Variants in RARG observed in about 807,000 individuals in gnomAD.
The protein encoded by RARG is RAR-gamma.
Under a neutral mutation model 43.7 loss-of-function variants are expected in RARG, and 17 were observed. That is an observed-to-expected ratio of 0.39 (90% CI 0.27 to 0.58). RARG has a LOEUF of 0.58. Ranked by LOEUF, RARG falls within the 20% of genes least tolerant of loss-of-function variation. The pLI, the probability that RARG is intolerant of heterozygous loss-of-function variation, is 0.57. For missense variants in RARG, 346 were observed against 598.7 expected (o/e 0.58, Z 4.40); for synonymous variants, 238 against 236.4 (o/e 1.01, Z -0.06).
intron 3 of RARG, among the ~76,000 whole-genome samples, chr12:53,224,781 C>G (rs1281141058): frequency 1.3e-5 from 2 of 152,034 alleles, no homozygotes; most frequent in African/African-American, 4.8e-5. Flanking sequence ...CCCTCCCCAG[C>G]TACCTGCCCT....
In RARG at chr12:53,211,720, C is replaced by A. The variant is rs1483582359; in HGVS notation, c.1321G>T (p.Val441Phe). The part of the protein sequence containing the change: ...PHPNASSEDE[V>F]PGGQGKGGLK... ...CCCCCTTTGCCCTGGCCCCCAGGAA[C>A]CTCATCCTCGCTAGAGGCATTGGGG... The change falls in exon 10 of 10, where the codon GTT (valine) becomes TTT (phenylalanine). Residue 441 changes from valine (V) to phenylalanine (F), a missense_variant. By Grantham distance (50) the Val-to-Phe change is conservative (BLOSUM62 -1). This residue lies in a region of RARG where 40 missense variants were observed against 44.6 expected (regional missense o/e 0.90). Transcript: ENST00000425354. This position sits in a 1 kb window ranked among gnomAD's most constrained non-coding sequence, Gnocchi z 4.6. The A allele has an allele frequency of 2.6e-6, 4 of 1,562,350 alleles. No individual in the cohort carries two copies. Among genetic ancestry groups the A allele is most frequent in the African/African-American group, 1.4e-5 (1 of 71,508 alleles).
chr12:53,219,982 G>T (rs1471288239), intron 3 of RARG: 1 of 1,521,334 alleles, frequency 6.6e-7, no homozygotes, highest in South Asian at 1.2e-5. Context: ...CCAGGCAAAA[G>T]ATTCAAGTCC....
intron 2 of RARG, among the ~76,000 whole-genome samples, chr12:53,230,779 G>A (rs1320588019): frequency 6.6e-6 from 1 of 151,452 alleles, no homozygotes; most frequent in Non-Finnish European, 1.5e-5. Context: ...GGGTGGGGGT[G>A]TGCCGGGGTG....
Position 53,213,815 on chromosome 12 carries a change from G to T in RARG, c.814-115C>A. On this transcript the variant is annotated intron_variant, in intron 7 of 9. Transcript: ENST00000425354. The surrounding 1 kb of genome is among the most constrained non-coding windows in gnomAD (Gnocchi z 4.7). ...AGTGAGTGCAACCTGAAGCAGGCAT[G>T]GAGAAGGCAGAGGTGGAGGATCTGA... 1 of 1,215,376 alleles carries T rather than the reference G, an allele frequency of 8.2e-7. No individual in the cohort carries two copies. 75.3% of individuals were successfully genotyped at this position (1,215,376 alleles called of 1,614,324 possible).
chr12:53,213,259 T>C lies in RARG; in HGVS notation c.1019-16A>G. The C allele has an allele frequency of 6.4e-7, 1 of 1,551,292 alleles. No individual in the cohort carries two copies. The highest frequency in any genetic ancestry group is 8.9e-7 in the Non-Finnish European group (1 of 1,125,948). On this transcript the variant is annotated splice_polypyrimidine_tract_variant and intron_variant, in intron 8 of 9. Transcript: ENST00000425354. The surrounding 1 kb of genome is among the most constrained non-coding windows in gnomAD (Gnocchi z 4.7). The stretch of plus-strand genomic sequence containing the variant: ...TCCATGCGGTCTATGGGGACAAGTA[T>C]ACTGGAGTGAGAGGGGAAGGAAGAG...
intron 3 of RARG, among the ~76,000 whole-genome samples, chr12:53,222,295 GAA>G (rs930068339): frequency 1.9e-4 from 27 of 138,872 alleles, no homozygotes; most frequent in African/African-American, 6.3e-4. Flanking sequence ...GGAGGAGAAA[GAA>G]AGAGAGAGAG....
At chr12:53,226,494 A>G (rs1943109443) in intron 3 of RARG, among the ~76,000 whole-genome samples, 1 of 151,902 alleles carries the variant, frequency 6.6e-6, no homozygotes, top group Non-Finnish European at 1.5e-5. Context: ...TACCCGGCTA[A>G]TTTTTGTAAT....
intron 3 of RARG, among the ~76,000 whole-genome samples, chr12:53,216,264 G>A (rs1942758142): frequency 6.6e-6 from 1 of 152,134 alleles, no homozygotes; most frequent in African/African-American, 2.4e-5. Context: ...AACTCTGGGG[G>A]CAGGTAGGCA....
rs201808801 is a variant in RARG, at chr12:53,211,836, A to G, written c.1205T>C (p.Met402Thr). 1.4e-4 allele frequency: 204 copies of G among 1,507,950 alleles called. No homozygotes were observed. Among genetic ancestry groups the G allele is most frequent in the Non-Finnish European group, 1.7e-4 (190 of 1,124,790 alleles). 93.4% of individuals were successfully genotyped at this position (1,507,950 alleles called of 1,614,324 possible). A position where few individuals can be genotyped will look rare whatever the true frequency, so the allele number is the denominator to read the frequency against. The change falls in exon 10 of 10, where the codon ATG becomes ACG. Residue 402 changes from methionine (M) to threonine (T), a missense_variant. Around this residue, in one of 8 missense-constraint regions of RARG, gnomAD observed 20 missense variants for 58.5 expected, o/e 0.34. Transcript: ENST00000425354. This position sits in a 1 kb window ranked among gnomAD's most constrained non-coding sequence, Gnocchi z 4.6. ...GGGAGGCATCGGGCCTGGAATCTCC[A>G]TCTTCAGAGTAATGGCCCTTTCAGC... The part of the protein sequence containing the change: ...KGAERAITLK[M>T]EIPGPMPPLI...
At chr12:53,229,012 G>C (rs1943172528) in intron 2 of RARG, among the ~76,000 whole-genome samples, 1 of 152,154 alleles carries the variant, frequency 6.6e-6, no homozygotes, top group African/African-American at 2.4e-5. Flanking sequence ...AGGAGGTAGA[G>C]AGAGGAGATG....
intron 3 of RARG, among the ~76,000 whole-genome samples, chr12:53,222,268 A>AG: frequency 6.7e-6 from 1 of 150,228 alleles, no homozygotes; most frequent in African/African-American, 2.5e-5. Flanking sequence ...GAAGAAAGAA[A>AG]AAGGAAGAAA....
In RARG at chr12:53,213,713, G is replaced by C; in HGVS notation, c.814-13C>G. The C allele has an allele frequency of 6.3e-7, 1 of 1,597,850 alleles. No individual in the cohort carries two copies. The highest frequency in any genetic ancestry group is 2.2e-5 in the East Asian group (1 of 44,796). Reference sequence around the variant, plus strand: ...AGATACGCAGCATCTGGAGGTGGGGGGTGGAGGAGGGTTAGTGCTGTTTCT... The same window carrying C: ...AGATACGCAGCATCTGGAGGTGGGGCGTGGAGGAGGGTTAGTGCTGTTTCT... On this transcript the variant is annotated splice_polypyrimidine_tract_variant and intron_variant, in intron 7 of 9. Transcript: ENST00000425354. The surrounding 1 kb of genome is among the most constrained non-coding windows in gnomAD (Gnocchi z 4.7).
intron 3 of RARG, among the ~76,000 whole-genome samples, chr12:53,221,147 G>A (rs1438461127): frequency 5.4e-5 from 6 of 111,934 alleles, no homozygotes; most frequent in African/African-American, 2.1e-4. Flanking sequence ...CGTCTTCAGC[G>A]CTGCCGCGGA....
At chr12:53,228,740 A>C (rs1456772144) in intron 2 of RARG, among the ~76,000 whole-genome samples, 1 of 151,564 alleles carries the variant, frequency 6.6e-6, no homozygotes, top group African/African-American at 2.4e-5. Context: ...GAGACAGCTA[A>C]TGTTTATATT....
rs746821114 is a variant in RARG at position 53,214,571 on chromosome 12, C to G, written c.511G>C (p.Val171Leu). Residue 171 changes from valine to leucine, a missense_variant, in exon 6 of 10, where the codon GTG becomes CTG. Around this residue, in one of 8 missense-constraint regions of RARG, gnomAD observed 67 missense variants for 79.6 expected, o/e 0.84. Transcript: ENST00000425354. The stretch of plus-strand genomic sequence containing the variant: ...CTGTCAGGTGACCCTTCTTCCTTCA[C>G]CTCTTTCTTCTTCTTGTTCCGGTCA... ...RNDRNKKKKE[V>L]KEEGSPDSYE... 3.7e-6 allele frequency: 6 copies of G among 1,610,142 alleles called. No individual in the cohort carries two copies. In the East Asian group the frequency reaches 1.3e-4, roughly 36 times the overall value.
At chr12:53,223,209 T>C (rs79810772) in intron 3 of RARG, among the ~76,000 whole-genome samples, 3,321 of 152,238 alleles carry the variant, frequency 0.022, 150 homozygotes, top group African/African-American at 0.076. Flanking sequence ...TGGCTCTGAA[T>C]TCCTCACGCT....
rs752722923 is a variant in RARG at position 53,213,427 on chromosome 12, A to G, written c.1018+69T>C. ...CTGGGTCCTCCACGCCCCCTCCCAG[A>G]CAGATTCCGCATGGAGTGGTGGGAA... On this transcript the variant is annotated intron_variant, in intron 8 of 9. Coordinates refer to ENST00000425354, the MANE Select transcript of RARG (RefSeq NM_000966.6). The surrounding 1 kb of genome is among the most constrained non-coding windows in gnomAD (Gnocchi z 4.7). 2.6e-6 allele frequency: 4 copies of G among 1,559,878 alleles called. No individual in the cohort carries two copies. Among genetic ancestry groups the G allele is most frequent in the Non-Finnish European group, 3.5e-6 (4 of 1,138,254 alleles).
At chr12:53,220,061 G>A (rs2120677740) in intron 3 of RARG, 4 of 1,548,684 alleles carry the variant, frequency 2.6e-6, no homozygotes, top group Non-Finnish European at 3.5e-6. Flanking sequence ...CCGTACAGCC[G>A]TCGCGGACCC....
chr12:53,228,864 C>A (rs964363793), intron 2 of RARG, among the ~76,000 whole-genome samples: 1 of 152,236 alleles, frequency 6.6e-6, no homozygotes, highest in South Asian at 2.1e-4. Context: ...GTGAGCGACA[C>A]GCCCGGGCAT....
Sources: allele counts gnomAD v4.1 joint callset (sites outside exome capture counted in the v4.1 genomes callset), GRCh38; gene constraint gnomAD v4.1.1; regional missense constraint gnomAD v4.1.1; non-coding constraint Gnocchi (gnomAD v3.1); transcripts MANE v1.5; gene names NCBI Gene and HGNC (gene_info 2026-07-23, HGNC 2026-07-21).